API5: variants seen among roughly 807,000 people sequenced by gnomAD.
API5 encodes FIF.
A neutral mutation model predicts 71.9 loss-of-function variants in API5; 6 were observed. The ratio of observed to expected loss-of-function variants is 0.08; its 90% CI spans 0.05 to 0.16. The LOEUF (loss-of-function observed/expected upper bound fraction) is 0.16. API5 is among the 10% of genes least tolerant of loss of function. The pLI, the probability that API5 is intolerant of heterozygous loss-of-function variation, is 1.00. For synonymous variants in API5, 189 were observed against 221.3 expected (o/e 0.85, Z 1.30); for missense variants, 332 against 612.8 (o/e 0.54, Z 4.84).
chr11:43,338,809 A>C (rs1855520449), intron 13 of API5, among the ~76,000 whole-genome samples: 1 of 152,190 alleles, frequency 6.6e-6, no homozygotes, highest in Non-Finnish European at 1.5e-5. Context: ...ATAGTCTTTT[A>C]GCTTAAAGCT....
chr11:43,312,299 C>T, intron 1 of API5, 103 bp downstream of exon 1: 7 of 1,219,598 alleles, frequency 5.7e-6, no homozygotes, highest in South Asian at 1.3e-5. Context: ...GCGGCTTCAT[C>T]CTCCCGGGGC....
intron 11 of API5, among the ~76,000 whole-genome samples, chr11:43,331,511 T>C (rs183505913): frequency 4.9e-4 from 75 of 152,184 alleles, no homozygotes; most frequent in African/African-American, 1.7e-3. Flanking sequence ...GAAGAGAAAA[T>C]ATTAAGTGGA....
chr11:43,323,768 T>G, intron 6 of API5, 132 bp downstream of exon 6: 1 of 880,084 alleles, frequency 1.1e-6, no homozygotes. Context: ...CAGAAGTGTA[T>G]TCAGATTTTT....
At chr11:43,335,117 A>ATTT (rs1329821573) in intron 11 of API5, 161 bp from the exon 12 acceptor site, 5 of 627,824 alleles carry the variant, frequency 8.0e-6, no homozygotes, top group African/African-American at 5.6e-5. Context: ...GAGGTAATAC[A>ATTT]TGTGATTTGT....
At chr11:43,342,367 C>G in intron 13 of API5, 61 bp from the exon 14 acceptor site, 1 of 1,418,698 alleles carries the variant, frequency 7.0e-7, no homozygotes, top group Non-Finnish European at 9.6e-7. Context: ...TACGTTTCTT[C>G]TGCGTTTGCT....
Position 43,312,207 on chromosome 11 carries a change from T to TC in API5, c.69+15dup, listed in dbSNP as rs1180767687. On this transcript the variant is annotated intron_variant, in intron 1 of 13. Transcript: ENST00000531273. Reference sequence around the variant, plus strand: ...GAGCAAGTGGGCCAGGTGAGTTGAGTCCCCGGGCGGCCTGCAGGGCCTGGC... The same window carrying TC: ...GAGCAAGTGGGCCAGGTGAGTTGAGTCCCCCGGGCGGCCTGCAGGGCCTGGC... 7 of 1,612,850 alleles carry TC rather than the reference T, an allele frequency of 4.3e-6. No homozygotes were observed. The highest frequency in any genetic ancestry group is 1.7e-5 in the Admixed American group (1 of 59,970).
intron 11 of API5, among the ~76,000 whole-genome samples, chr11:43,333,629 C>T (rs1012012652): frequency 3.3e-5 from 5 of 152,126 alleles, no homozygotes; most frequent in Admixed American, 3.3e-4. Flanking sequence ...TGACTGGCTA[C>T]TATTGATTAA....
chr11:43,312,044 A>C lies in API5; in HGVS notation c.-84A>C. The C allele has an allele frequency of 1.4e-6, 2 of 1,449,598 alleles. No individual in the cohort carries two copies. Among genetic ancestry groups the C allele is most frequent in the Non-Finnish European group, 1.9e-6 (2 of 1,043,996 alleles). The allele number at this position is 1,449,598 out of a possible 1,614,324, so 89.8% of individuals were successfully genotyped here. On this transcript the variant is annotated 5_prime_UTR_variant, in exon 1 of 14. Transcript: ENST00000531273. Reference sequence around the variant, plus strand: ...CAGCTGGAGGTGTAATAGTGCGGGTAGTGGGTTTGGAGAAGTTCCGAGGCG... The same window carrying C: ...CAGCTGGAGGTGTAATAGTGCGGGTCGTGGGTTTGGAGAAGTTCCGAGGCG...
In API5 at chr11:43,342,495, G is replaced by A; in HGVS notation, c.1560G>A (p.Arg520=). 10 of 1,613,306 alleles carry A rather than the reference G, an allele frequency of 6.2e-6. No individual in the cohort carries two copies. The highest frequency in any genetic ancestry group is 8.5e-6 in the Non-Finnish European group (10 of 1,179,548). The change falls in exon 14 of 14, where the codon CGG becomes CGA. Residue 520 remains arginine, a synonymous_variant. Transcript: ENST00000531273. ...GGGGCACACGAGGAAATCGTAGTCG[G>A]GGAAGACTCTACTGAATAAGACATC... The part of the protein sequence containing the change: ...RGWGTRGNRS[R]GRLY
chr11:43,319,307 A>C (rs1754355957), intron 2 of API5, among the ~76,000 whole-genome samples: 1 of 152,212 alleles, frequency 6.6e-6, no homozygotes, highest in Non-Finnish European at 1.5e-5. Context: ...AGAATTAACC[A>C]GTAATATTTC....
Position 43,330,992 on chromosome 11 carries a change from G to A in API5, c.1278+428G>A, listed in dbSNP as rs184690797. ...CTAGCCTAAACAAAAATAATAACCT[G>A]AGAGAACCAGAAAAAAATCACAAAG... On this transcript the variant is annotated intron_variant, in intron 11 of 13. Coordinates refer to ENST00000531273, the MANE Select transcript of API5 (RefSeq NM_001142930.2). Among the ~76,000 whole-genome samples, 208 of 151,846 alleles carry A rather than the reference G, an allele frequency of 1.4e-3. 1 individual carries two copies. The highest frequency in any genetic ancestry group is 1.1e-3 in the Non-Finnish European group (78 of 68,000).
intron 11 of API5, 68 bp from the exon 12 acceptor site, chr11:43,335,210 T>C: frequency 8.9e-7 from 1 of 1,118,034 alleles, no homozygotes; most frequent in Non-Finnish European, 1.4e-6. Flanking sequence ...CTTCGTTTCC[T>C]ACCCTCACCA....
intron 8 of API5, 95 bp from the exon 9 acceptor site, chr11:43,328,617 A>G (rs1565107434): frequency 8.9e-7 from 1 of 1,123,078 alleles, no homozygotes; most frequent in Non-Finnish European, 1.3e-6. Context: ...TTAATGCTCC[A>G]TGCCTTAAAA....
intron 2 of API5, among the ~76,000 whole-genome samples, chr11:43,320,401 C>T (rs1425877933): frequency 6.6e-6 from 1 of 151,882 alleles, no homozygotes; most frequent in Non-Finnish European, 1.5e-5. Context: ...ATTTTTGTGA[C>T]TCGTATGCCC....
chr11:43,325,264 G>A (rs1278157649), intron 6 of API5, among the ~76,000 whole-genome samples: 1 of 152,184 alleles, frequency 6.6e-6, no homozygotes, highest in Non-Finnish European at 1.5e-5. Flanking sequence ...TTCTGCTAAA[G>A]TTGAAGCAAG....
chr11:43,320,787 T>C, intron 2 of API5, 34 bp from the exon 3 acceptor site: 1 of 1,491,184 alleles, frequency 6.7e-7, no homozygotes. Flanking sequence ...AAGGTGATAG[T>C]ATTTGGTTAA....
At chr11:43,312,350 CTGGGAGTGTAGACTCT>C in intron 1 of API5, among the ~76,000 whole-genome samples, 154 bp downstream of exon 1, 1 of 152,318 alleles carries the variant, frequency 6.6e-6, no homozygotes, top group East Asian at 1.9e-4. Flanking sequence ...GTGGGCCTCT[CTGGGAGTGTAGACTCT>C]GGTTTCACCA....
chr11:43,318,755 C>T lies in API5; in HGVS notation c.185C>T (p.Ser62Phe). 2 of 1,613,770 alleles carry T rather than the reference C, an allele frequency of 1.2e-6. No individual in the cohort carries two copies. The highest frequency in any genetic ancestry group is 1.7e-6 in the Non-Finnish European group (2 of 1,179,958). Residue 62 changes from serine to phenylalanine, a missense_variant, in exon 2 of 14, where the codon TCT (serine) becomes TTT (phenylalanine). This residue lies in a region of API5 where 127 missense variants were observed against 237.6 expected (regional missense o/e 0.53). Transcript: ENST00000531273. ...FFKHFPELAD[S>F]AINAQLDLCE... ...AAGCATTTTCCAGAATTGGCTGATT[C>T]TGCTATCAATGCACAGTTAGACCTC...
intron 9 of API5, 107 bp from the exon 10 acceptor site, chr11:43,329,858 C>T: frequency 1.2e-6 from 1 of 828,688 alleles, no homozygotes. Context: ...ATTTACTGGT[C>T]ATGTAACCAT....
Sources: allele counts gnomAD v4.1 joint callset (sites outside exome capture counted in the v4.1 genomes callset), GRCh38; gene constraint gnomAD v4.1.1; regional missense constraint gnomAD v4.1.1; transcripts MANE v1.5; gene names NCBI Gene and HGNC (gene_info 2026-07-23, HGNC 2026-07-21).